TLN2: variants seen among roughly 807,000 people sequenced by gnomAD.
TLN2 encodes the protein talin-2.
In TLN2, 118 loss-of-function variants were observed where a neutral mutation model predicts 294.7. The observed-to-expected ratio is 0.40, with a 90% CI of 0.34 to 0.47. The LOEUF (loss-of-function observed/expected upper bound fraction) is 0.47. Among genes scored for constraint, TLN2 ranks in the 20% least tolerant of loss-of-function variants. The pLI is 0.84. For synonymous variants in TLN2, 1,431 were observed against 1,304.5 expected, an observed-to-expected ratio of 1.10 and a Z score of -2.09; for missense variants, 3,083 against 3,282.2, an observed-to-expected ratio of 0.94 and a Z score of 1.48.
chr15:62,800,481 G>A lies in TLN2; in HGVS notation c.6348G>A (p.Lys2116=). The A allele has an allele frequency of 6.2e-7, 1 of 1,614,148 alleles. No individual in the cohort carries two copies. The highest frequency in any genetic ancestry group is 8.5e-7 in the Non-Finnish European group (1 of 1,180,006). Residue 2116 remains lysine (K), a synonymous_variant, in exon 49 of 59, where the codon AAG becomes AAA. Transcript: ENST00000636159. ...PVDDPSMYQL[K]GAAKVMVTNV... ...ACGACCCTTCCATGTACCAGCTCAA[G>A]GGGGCTGCCAAGGTAGAGTGGGGCT...
chr15:62,673,766 G>C (rs2141006744), intron 9 of TLN2, 61 bp from the exon 10 acceptor site: 1 of 1,339,544 alleles, frequency 7.5e-7, no homozygotes, highest in Admixed American at 1.8e-5. Context: ...AAATGTCTTT[G>C]CTTTGCTTCT....
intron 1 of TLN2, among the ~76,000 whole-genome samples, chr15:62,442,222 G>A (rs954607029): frequency 2.0e-5 from 3 of 151,986 alleles, no homozygotes; most frequent in Non-Finnish European, 4.4e-5. Flanking sequence ...GTGGCCTGGT[G>A]TGTTGCCTCA....
chr15:62,715,139 AG>A (rs2059685540), intron 22 of TLN2, among the ~76,000 whole-genome samples: 1 of 152,280 alleles, frequency 6.6e-6, no homozygotes, highest in Non-Finnish European at 1.5e-5. Flanking sequence ...TCTATTCAAG[AG>A]GGTTGCCAAA....
chr15:62,510,577 G>A (rs2039875550), intron 1 of TLN2, among the ~76,000 whole-genome samples: 2 of 152,204 alleles, frequency 1.3e-5, no homozygotes, highest in African/African-American at 4.8e-5. Context: ...TGTAAGTTAT[G>A]GGTATTGTAA....
intron 1 of TLN2, among the ~76,000 whole-genome samples, chr15:62,587,943 T>C (rs1051958272): frequency 1.3e-5 from 2 of 152,090 alleles, no homozygotes; most frequent in East Asian, 3.9e-4. Context: ...TGTAGTGGCG[T>C]GATCTCGGCT....
intron 1 of TLN2, among the ~76,000 whole-genome samples, chr15:62,412,690 T>C (rs1329024496): frequency 6.6e-6 from 1 of 152,218 alleles, no homozygotes; most frequent in African/African-American, 2.4e-5. Context: ...AAAGTTGTTA[T>C]ATTTTTGTCC....
At chr15:62,600,649 T>C (rs1009171304) in intron 2 of TLN2, among the ~76,000 whole-genome samples, 3 of 152,216 alleles carry the variant, frequency 2.0e-5, no homozygotes, top group Admixed American at 6.5e-5. Context: ...ATTTGTTTAT[T>C]CATAGTTTTA....
At chr15:62,523,294 A>G (rs2040565429) in intron 1 of TLN2, among the ~76,000 whole-genome samples, 1 of 152,228 alleles carries the variant, frequency 6.6e-6, no homozygotes, top group South Asian at 2.1e-4. Flanking sequence ...TCAGTGAGGT[A>G]TGGACATGGT....
At chr15:62,724,117 C>T (rs1471153009) in intron 26 of TLN2, among the ~76,000 whole-genome samples, 1 of 152,086 alleles carries the variant, frequency 6.6e-6, no homozygotes, top group Non-Finnish European at 1.5e-5. Context: ...CACTGCACTC[C>T]AACCTGGGCA....
In TLN2 at chr15:62,656,907, CTG is replaced by C. The variant is rs1208611993; in HGVS notation, c.660+826_660+827del. 3.3e-5 allele frequency among the ~76,000 whole-genome samples: 5 copies of C among 152,180 alleles called. No individual in the cohort carries two copies. The East Asian group carries it at 9.6e-4, about 29-fold the overall frequency. On this transcript the variant is annotated intron_variant, in intron 8 of 58. Coordinates refer to ENST00000636159, the MANE Select transcript of TLN2 (RefSeq NM_015059.3). ...TGGTGACAGAACTCAGTGACAGAGA[CTG>C]TGTGGCCCAGGAGGTTTGAAATGTT...
rs142117632 is a variant in TLN2, at chr15:62,720,807, CATT to C, written c.2991+931_2991+933del. The stretch of plus-strand genomic sequence containing the variant: ...TATACTCTTCATTTAACTTTTCTCT[CATT>C]ATTGGACGTACAGGTTTTTAATTTT... On this transcript the variant is annotated intron_variant, in intron 25 of 58. Transcript: ENST00000636159. 8.3e-3 allele frequency among the ~76,000 whole-genome samples: 1,262 copies of C among 152,204 alleles called. 17 individuals are homozygous for C. Among genetic ancestry groups the C allele is most frequent in the African/African-American group, 0.028 (1,162 of 41,520 alleles).
Position 62,650,094 on chromosome 15 carries a change from T to C in TLN2, c.147T>C (p.Tyr49=). Residue 49 remains tyrosine, a synonymous_variant, in exon 5 of 59, where the codon TAT becomes TAC. Coordinates refer to ENST00000636159, the MANE Select transcript of TLN2 (RefSeq NM_015059.3). ...PEAQTGQASD[Y]GLFLSDEDPR... is the part of the protein sequence containing the mutation. ...CCATTTATATTTCAGCTTCTGACTA[T>C]GGACTCTTTCTTTCGGATGAAGACC... is the stretch of plus-strand genomic sequence containing the variant. 3 of 1,614,150 alleles carry C rather than the reference T, an allele frequency of 1.9e-6. No individual in the cohort carries two copies. The highest frequency in any genetic ancestry group is 2.2e-5 in the East Asian group (1 of 44,892).
At chr15:62,581,233 C>T (rs565347095) in intron 1 of TLN2, among the ~76,000 whole-genome samples, 95 of 152,110 alleles carry the variant, frequency 6.2e-4, no homozygotes, top group Non-Finnish European at 4.0e-4. Context: ...AGAATGTCAT[C>T]GAGTTGGAAT....
intron 23 of TLN2, 91 bp downstream of exon 23, chr15:62,716,550 A>C (rs1246738835): frequency 1.4e-6 from 2 of 1,447,376 alleles, no homozygotes; most frequent in Non-Finnish European, 1.8e-6. Context: ...TGTTGACAAT[A>C]TAAAGAAAGC....
chr15:62,417,802 A>G (rs974848231), intron 1 of TLN2, among the ~76,000 whole-genome samples: 6 of 152,238 alleles, frequency 3.9e-5, no homozygotes, highest in Non-Finnish European at 8.8e-5. Context: ...TTATGCATTC[A>G]TTGGGACAGA....
At chr15:62,554,199 C>T (rs569831712) in intron 1 of TLN2, among the ~76,000 whole-genome samples, 3 of 151,798 alleles carry the variant, frequency 2.0e-5, no homozygotes, top group South Asian at 2.1e-4. Context: ...GATTCTCTAA[C>T]CCCTGCCCCC....
chr15:62,440,865 C>T (rs2035510988), intron 1 of TLN2, among the ~76,000 whole-genome samples: 1 of 152,118 alleles, frequency 6.6e-6, no homozygotes, highest in African/African-American at 2.4e-5. Context: ...ATACTGAAAG[C>T]ACGAATGACT....
chr15:62,551,513 T>TAC (rs56986714), intron 1 of TLN2, among the ~76,000 whole-genome samples: 21,392 of 146,874 alleles, frequency 0.15, 1,763 homozygotes, highest in East Asian at 0.43. Flanking sequence ...CTACTAAAAA[T>TAC]ACACACACAC....
Position 62,708,743 on chromosome 15 carries a change from C to T in TLN2, c.2414C>T (p.Thr805Ile). Residue 805 changes from threonine to isoleucine, a missense_variant, in exon 21 of 59, where the codon ACT becomes ATT. Coordinates refer to ENST00000636159, the MANE Select transcript of TLN2 (RefSeq NM_015059.3). ...CCCATCGGCCGCTACGACCAGGCTA[C>T]TGACACCATCATGTGTGTCACCGAG... ...GEPIGRYDQA[T>I]DTIMCVTESI... 6.2e-7 allele frequency: 1 copy of T among 1,610,624 alleles called. No individual in the cohort carries two copies. Among genetic ancestry groups the T allele is most frequent in the Non-Finnish European group, 8.5e-7 (1 of 1,180,022 alleles).
Sources: gnomAD v4.1 joint callset for allele counts (sites outside exome capture counted in the v4.1 genomes callset) on GRCh38, gnomAD v4.1.1 for gene constraint, MANE v1.5 for transcripts, NCBI Gene and HGNC (gene_info 2026-07-23, HGNC 2026-07-21) for gene names.